Variants in KIAA1549L observed in about 807,000 individuals in gnomAD.
KIAA1549L encodes UPF0606 protein KIAA1549L.
In KIAA1549L, 88 loss-of-function variants were observed where a neutral mutation model predicts 160.7. The ratio of observed to expected loss-of-function variants is 0.55; its 90% CI spans 0.46 to 0.65. The LOEUF is 0.65. KIAA1549L is among the 30% of genes least tolerant of loss of function. The pLI is 0.00. For missense variants in KIAA1549L, 2,258 were observed against 2,437.5 expected, an observed-to-expected ratio of 0.93 and a Z score of 1.55; for synonymous variants, 950 against 976.7, an observed-to-expected ratio of 0.97 and a Z score of 0.51.
intron 6 of KIAA1549L, among the ~76,000 whole-genome samples, chr11:33,555,072 C>T (rs7120679): frequency 0.28 from 40,600 of 146,414 alleles, 5,816 homozygotes; most frequent in Middle Eastern, 0.45. Context: ...TGGAGCTAGT[C>T]TTAAGTATAC....
chr11:33,666,419 C>T (rs1590469582), intron 20 of KIAA1549L, among the ~76,000 whole-genome samples: 1 of 152,190 alleles, frequency 6.6e-6, no homozygotes, highest in Non-Finnish European at 1.5e-5. Flanking sequence ...ATCCCCCTCC[C>T]ACTGCATCTT....
chr11:33,553,187 A>C (rs1854526714), intron 6 of KIAA1549L, among the ~76,000 whole-genome samples: 1 of 152,118 alleles, frequency 6.6e-6, no homozygotes, highest in South Asian at 2.1e-4. Context: ...ATTTGTAGAG[A>C]TGGAGTCTCC....
At chr11:33,579,170 G>A (rs1324373419) in intron 10 of KIAA1549L, among the ~76,000 whole-genome samples, 2 of 152,134 alleles carry the variant, frequency 1.3e-5, no homozygotes, top group East Asian at 1.9e-4. Flanking sequence ...TAAAATGGTA[G>A]TATAAAAACA....
At chr11:33,664,972 C>T (rs568815894) in intron 20 of KIAA1549L, among the ~76,000 whole-genome samples, 45 of 152,252 alleles carry the variant, frequency 3.0e-4, no homozygotes, top group African/African-American at 1.0e-3. Flanking sequence ...GACTCTGTAG[C>T]CTGATATTCA....
At chr11:33,598,612 G>A (rs1850271764) in intron 12 of KIAA1549L, among the ~76,000 whole-genome samples, 1 of 152,206 alleles carries the variant, frequency 6.6e-6, no homozygotes, top group Non-Finnish European at 1.5e-5. Flanking sequence ...GGCTGAGCAC[G>A]GCAAAACGGA....
At chr11:33,571,360 CAA>C (rs2133240425) in intron 9 of KIAA1549L, among the ~76,000 whole-genome samples, 1 of 152,236 alleles carries the variant, frequency 6.6e-6, no homozygotes, top group South Asian at 2.1e-4. Flanking sequence ...AACACAAAGA[CAA>C]AAGAGTGAGG....
chr11:33,618,653 C>G lies in KIAA1549L; in HGVS notation c.5400C>G (p.Ser1800Arg). The G allele has an allele frequency of 6.3e-7, 1 of 1,590,546 alleles. No individual in the cohort carries two copies. Among genetic ancestry groups the G allele is most frequent in the Non-Finnish European group, 8.6e-7 (1 of 1,167,314 alleles). ...RERPRRGIRN[S>R]GYDTEPEIIE... ...GACCCCGGCGTGGAATCCGCAACAG[C>G]GGATACGATGTGAGTCTCTGGTGGG... Residue 1800 changes from serine to arginine, a missense_variant, in exon 16 of 21, where the codon AGC becomes AGG. Physicochemically the swap from Ser to Arg is moderately radical, Grantham distance 110. Around this residue, in one of 6 missense-constraint regions of KIAA1549L, gnomAD observed 1,359 missense variants for 1,546.6 expected, o/e 0.88. Coordinates refer to ENST00000658780, the MANE Select transcript of KIAA1549L (RefSeq NM_012194.3).
chr11:33,640,952 A>G (rs1412335508), intron 16 of KIAA1549L, among the ~76,000 whole-genome samples: 2 of 152,254 alleles, frequency 1.3e-5, no homozygotes, highest in African/African-American at 2.4e-5. Context: ...GTCCCAACCC[A>G]AGCCAACTGT....
rs1854042898 is a variant in KIAA1549L, at chr11:33,542,207, G to C, written c.644G>C (p.Ser215Thr). 1.5e-6 allele frequency: 1 copy of C among 655,078 alleles called. No homozygotes were observed. The highest frequency in any genetic ancestry group is 2.1e-5 in the Admixed American group (1 of 48,384). The allele number at this position is 655,078 out of a possible 1,614,324, so 40.6% of individuals were successfully genotyped here. ...LSTVPSGTSF[S>T]AVPPSQPVWA... ...ACAGTCCCATCAGGGACATCCTTCA[G>C]TGCTGTCCCCCCATCCCAGCCAGTA... The change falls in exon 2 of 21, where the codon AGT (serine) becomes ACT (threonine). Residue 215 changes from serine (S) to threonine (T), a missense_variant. Ser to Thr is a moderately conservative substitution (Grantham distance 58). This residue lies in a region of KIAA1549L where 540 missense variants were observed against 465.7 expected (regional missense o/e 1.16). Coordinates refer to ENST00000658780, the MANE Select transcript of KIAA1549L (RefSeq NM_012194.3).
chr11:33,504,277 A>G (rs564335189), intron 1 of KIAA1549L, among the ~76,000 whole-genome samples: 1 of 152,178 alleles, frequency 6.6e-6, no homozygotes, highest in Admixed American at 6.5e-5. Flanking sequence ...AAAAAATCTT[A>G]ATCATGTAGT....
chr11:33,406,742 A>G (rs1850661945), intron 1 of KIAA1549L, among the ~76,000 whole-genome samples: 1 of 152,222 alleles, frequency 6.6e-6, no homozygotes, highest in Non-Finnish European at 1.5e-5. Context: ...ATCTAATTGT[A>G]AAGGATCAGG....
rs140596465 is a variant in KIAA1549L at position 33,660,720 on chromosome 11, C to T, written c.6008-143C>T. 3.5e-5 allele frequency: 26 copies of T among 741,168 alleles called. No homozygotes were observed. The African/African-American group carries it at 4.2e-4, about 12-fold the overall frequency. 45.9% of individuals were successfully genotyped at this position (741,168 alleles called of 1,614,324 possible). A position where few individuals can be genotyped will look rare whatever the true frequency, so the allele number is the denominator to read the frequency against. On this transcript the variant is annotated intron_variant, in intron 19 of 20. Transcript: ENST00000658780. ...ATGTTACAGCCCAGAGCAAGCTCCCCTCAGCTCAGACCTGATTTAATGAGA... is the reference window on the plus strand; with the variant it reads ...ATGTTACAGCCCAGAGCAAGCTCCCTTCAGCTCAGACCTGATTTAATGAGA...
chr11:33,615,910 C>T (rs1850796685), intron 15 of KIAA1549L, among the ~76,000 whole-genome samples: 1 of 152,142 alleles, frequency 6.6e-6, no homozygotes, highest in African/African-American at 2.4e-5. Flanking sequence ...GATGAGAATT[C>T]CTCTCGAGTC....
At chr11:33,540,518 G>T (rs1378826401) in intron 1 of KIAA1549L, among the ~76,000 whole-genome samples, 2 of 152,174 alleles carry the variant, frequency 1.3e-5, no homozygotes, top group East Asian at 3.8e-4. Flanking sequence ...GAACAGGGAG[G>T]ATTGAGGCAT....
At chr11:33,406,911 C>T (rs1160986900) in intron 1 of KIAA1549L, among the ~76,000 whole-genome samples, 1 of 152,134 alleles carries the variant, frequency 6.6e-6, no homozygotes, top group Non-Finnish European at 1.5e-5. Context: ...CTGTTGCCTG[C>T]TGCTGGAGGT....
At chr11:33,423,413 T>C (rs1426168225) in intron 1 of KIAA1549L, among the ~76,000 whole-genome samples, 1 of 152,156 alleles carries the variant, frequency 6.6e-6, no homozygotes, top group African/African-American at 2.4e-5. Flanking sequence ...AATGGATAAC[T>C]GGTTTTAAGA....
chr11:33,555,627 G>T (rs1854621178), intron 6 of KIAA1549L, among the ~76,000 whole-genome samples: 1 of 152,250 alleles, frequency 6.6e-6, no homozygotes. Context: ...GAATGAAGTT[G>T]GATCCTTACT....
chr11:33,526,052 T>C (rs1443299902), intron 1 of KIAA1549L, among the ~76,000 whole-genome samples: 1 of 152,136 alleles, frequency 6.6e-6, no homozygotes, highest in Non-Finnish European at 1.5e-5. Flanking sequence ...CCCACCCTGG[T>C]AGCCGAAGAC....
At chr11:33,423,222 C>T (rs1012445402) in intron 1 of KIAA1549L, among the ~76,000 whole-genome samples, 3 of 152,054 alleles carry the variant, frequency 2.0e-5, no homozygotes, top group Admixed American at 1.3e-4. Flanking sequence ...GTTTGAGACA[C>T]TAAAAGGGTT....
Sources: gnomAD v4.1 joint callset for allele counts (sites outside exome capture counted in the v4.1 genomes callset) on GRCh38, gnomAD v4.1.1 for gene constraint, gnomAD v4.1.1 regional missense constraint, MANE v1.5 for transcripts, NCBI Gene and HGNC (gene_info 2026-07-23, HGNC 2026-07-21) for gene names.